Variants in DNAAF9 observed in about 807,000 individuals in gnomAD.
DNAAF9 encodes shulin.
DNAAF9 carries 90 observed loss-of-function variants against 167.0 expected under a neutral mutation model. The ratio of observed to expected loss-of-function variants is 0.54; its 90% confidence interval spans 0.45 to 0.64. The LOEUF (loss-of-function observed/expected upper bound fraction) is 0.64. Ranked by LOEUF, DNAAF9 falls within the 30% of genes least tolerant of loss-of-function variation. The pLI is 0.00. For synonymous variants in DNAAF9, 491 were observed against 508.8 expected, an observed-to-expected ratio of 0.96 and a Z score of 0.47; for missense variants, 1,315 against 1,442.2, an observed-to-expected ratio of 0.91 and a Z score of 1.43.
chr20:3,275,127 T>A (rs2068656370), intron 29 of DNAAF9, among the ~76,000 whole-genome samples: 1 of 152,062 alleles, frequency 6.6e-6, no homozygotes, highest in Non-Finnish European at 1.5e-5. Flanking sequence ...GGAGGCCAAG[T>A]CCAAAATGTG....
chr20:3,264,346 A>C, intron 31 of DNAAF9, 92 bp downstream of exon 31: 1 of 710,792 alleles, frequency 1.4e-6, no homozygotes. Flanking sequence ...CACATCTGGT[A>C]TTTTCACCTT....
At chr20:3,396,306 A>G (rs912142366) in intron 1 of DNAAF9, among the ~76,000 whole-genome samples, 3 of 152,232 alleles carry the variant, frequency 2.0e-5, no homozygotes, top group Non-Finnish European at 4.4e-5. Context: ...TTAGTAAATC[A>G]AAGCAGTTTT....
chr20:3,382,709 C>A (rs1168247832), intron 1 of DNAAF9, among the ~76,000 whole-genome samples: 2 of 152,100 alleles, frequency 1.3e-5, no homozygotes. Flanking sequence ...AGAGGTTGTG[C>A]AGAACTGGTC....
At chr20:3,292,057 G>A (rs2068965705) in intron 25 of DNAAF9, among the ~76,000 whole-genome samples, 1 of 151,138 alleles carries the variant, frequency 6.6e-6, no homozygotes, top group African/African-American at 2.4e-5. Context: ...GGAGTACAGT[G>A]GTGCGATCTT....
chr20:3,256,363 G>A (rs2068280862), intron 33 of DNAAF9, 152 bp from the exon 34 acceptor site: 1 of 645,356 alleles, frequency 1.5e-6, no homozygotes, highest in Non-Finnish European at 2.7e-6. Flanking sequence ...AAAGGATGGA[G>A]TAGGTGGGCA....
intron 1 of DNAAF9, among the ~76,000 whole-genome samples, chr20:3,391,246 T>C (rs543043055): frequency 6.6e-6 from 1 of 152,312 alleles, no homozygotes; most frequent in East Asian, 1.9e-4. Flanking sequence ...AATTTAATTA[T>C]TAACCAGAAG....
intron 26 of DNAAF9, 57 bp from the exon 27 acceptor site, chr20:3,287,847 G>T: frequency 6.7e-7 from 1 of 1,486,962 alleles, no homozygotes; most frequent in Non-Finnish European, 9.4e-7. Flanking sequence ...TAGCTCCATA[G>T]GTTCAGCCAT....
At chr20:3,267,150 C>A (rs2068505507) in intron 30 of DNAAF9, among the ~76,000 whole-genome samples, 1 of 152,192 alleles carries the variant, frequency 6.6e-6, no homozygotes, top group Non-Finnish European at 1.5e-5. Context: ...CCGTGCCTGG[C>A]CCCACCTTTG....
intron 31 of DNAAF9, 96 bp from the exon 32 acceptor site, chr20:3,260,124 G>A (rs558772984): frequency 3.0e-5 from 19 of 637,696 alleles, no homozygotes; most frequent in South Asian, 2.9e-4. Flanking sequence ...TGGATCATGA[G>A]GTCAGGAGAT....
intron 16 of DNAAF9, among the ~76,000 whole-genome samples, chr20:3,319,098 A>G (rs79233527): frequency 3.3e-4 from 43 of 128,622 alleles, no homozygotes; most frequent in African/African-American, 4.2e-4. Flanking sequence ...AAAAAAAAAA[A>G]AAAAAAGAAA....
chr20:3,340,689 G>A (rs762221776), intron 9 of DNAAF9, 50 bp from the exon 10 acceptor site: 3 of 1,590,206 alleles, frequency 1.9e-6, no homozygotes, highest in Middle Eastern at 1.7e-4. Flanking sequence ...TCCTGGCCAA[G>A]GCAACCTTCC....
chr20:3,257,824 C>T lies in DNAAF9; in HGVS notation c.3056-1613G>A, dbSNP rs920743287. Among the ~76,000 whole-genome samples the T allele has an allele frequency of 3.3e-5, 5 of 152,156 alleles. No homozygotes were observed. The East Asian group carries it at 9.7e-4, about 29-fold the overall frequency. ...GGTTCAAGTGATTCTCCTGTCTCAC[C>T]CTCCCAAGTAGCTGGGATTACAGCT... is the stretch of plus-strand genomic sequence containing the variant. On this transcript the variant is annotated intron_variant, in intron 33 of 36. Transcript: ENST00000252032.
rs200336768 is a variant in DNAAF9, at chr20:3,287,665, C to T, written c.2453G>A (p.Arg818His). 238 of 1,614,226 alleles carry T rather than the reference C, an allele frequency of 1.5e-4. No homozygotes were observed. Among genetic ancestry groups the T allele is most frequent in the Non-Finnish European group, 1.8e-4 (212 of 1,180,046 alleles). ...NRSARQSAYI[R>H]KKTRLLVVLQ... ...CACCACCAGCAGTCTGGTCTTCTTG[C>T]GGATGTAGGCTGACTGGCGCGCAGA... is the stretch of plus-strand genomic sequence containing the variant. The change falls in exon 27 of 37, where the codon CGC becomes CAC. Residue 818 changes from arginine to histidine, a missense_variant. Arg to His is a conservative substitution (Grantham distance 29). Transcript: ENST00000252032.
rs372912313 is a variant in DNAAF9 at position 3,262,584 on chromosome 20, A to T, written c.2873+1854T>A. On this transcript the variant is annotated intron_variant, in intron 31 of 36. Coordinates refer to ENST00000252032, the MANE Select transcript of DNAAF9 (RefSeq NM_001009984.3). ...TCTTCTAATGGGCCCCTCTTACCCT[A>T]CTCTCTCCTGGATTAGTCTGCCTCC... 2.5e-3 allele frequency among the ~76,000 whole-genome samples: 372 copies of T among 151,308 alleles called. 1 individual carries two copies. Among genetic ancestry groups the T allele is most frequent in the African/African-American group, 8.8e-3 (361 of 41,210 alleles).
At chr20:3,278,785 G>GT in intron 29 of DNAAF9, 127 bp downstream of exon 29, 1 of 792,580 alleles carries the variant, frequency 1.3e-6, no homozygotes, top group East Asian at 2.4e-5. Context: ...AGGTGTCAAA[G>GT]TTTTTTCTGA....
chr20:3,357,071 T>G (rs1361035450), intron 7 of DNAAF9, among the ~76,000 whole-genome samples: 5 of 152,222 alleles, frequency 3.3e-5, no homozygotes, highest in African/African-American at 1.2e-4. Context: ...CTTTCCTTAC[T>G]CTTTTCCCCT....
At chr20:3,386,058 G>A (rs2083731739) in intron 1 of DNAAF9, among the ~76,000 whole-genome samples, 1 of 152,164 alleles carries the variant, frequency 6.6e-6, no homozygotes, top group Non-Finnish European at 1.5e-5. Context: ...AGGCTAAGAT[G>A]GGAGGATCAC....
intron 35 of DNAAF9, 98 bp downstream of exon 35, chr20:3,255,121 A>G (rs1197982454): frequency 1.4e-6 from 1 of 725,816 alleles, no homozygotes; most frequent in Non-Finnish European, 2.4e-6. Flanking sequence ...AGCATGTCCT[A>G]CAAACAGCTC....
chr20:3,290,695 G>A (rs563357366), intron 25 of DNAAF9, among the ~76,000 whole-genome samples: 3 of 152,112 alleles, frequency 2.0e-5, no homozygotes, highest in Non-Finnish European at 1.5e-5. Context: ...CTACACTGGT[G>A]TAGTAAACTA....
Sources: gnomAD v4.1 joint callset for allele counts (sites outside exome capture counted in the v4.1 genomes callset) on GRCh38, gnomAD v4.1.1 for gene constraint, MANE v1.5 for transcripts, NCBI Gene and HGNC (gene_info 2026-07-23, HGNC 2026-07-21) for gene names.